Variants in UTRN observed in about 807,000 individuals in gnomAD.
UTRN encodes utrophin.
Under a neutral mutation model 463.9 loss-of-function variants are expected in UTRN, and 283 were observed. The observed-to-expected ratio is 0.61, with a 90% CI of 0.55 to 0.67. UTRN has a LOEUF of 0.67. Ranked by LOEUF, UTRN falls within the 30% of genes least tolerant of loss-of-function variation. The pLI, the probability that UTRN is intolerant of heterozygous loss-of-function variation, is 0.00. For synonymous variants in UTRN, 1,442 were observed against 1,431.5 expected (o/e 1.01, Z -0.17); for missense variants, 3,922 against 4,084.3 (o/e 0.96, Z 1.08).
chr6:144,630,573 C>A (rs4895647), intron 51 of UTRN, among the ~76,000 whole-genome samples: 8 of 152,056 alleles, frequency 5.3e-5, no homozygotes, highest in South Asian at 4.1e-4. Flanking sequence ...ACCTTTCCCC[C>A]TGATTCAGTT....
chr6:144,471,057 A>AGGGGGGGGAGGGGAT (rs1454781033), intron 23 of UTRN, among the ~76,000 whole-genome samples: 1 of 21,460 alleles, frequency 4.7e-5, no homozygotes, highest in African/African-American at 1.7e-4. Flanking sequence ...AGGGAGGGGG[A>AGGGGGGGGAGGGGAT]GAGGGAGGGG....
At chr6:144,451,290 C>T (rs1463063516) in intron 17 of UTRN, 80 bp from the exon 18 acceptor site, 6 of 1,510,712 alleles carry the variant, frequency 4.0e-6, no homozygotes, top group Non-Finnish European at 5.3e-6. Context: ...TCCTGATGAG[C>T]ATTTGAGTTG....
intron 52 of UTRN, among the ~76,000 whole-genome samples, chr6:144,685,637 T>A (rs1453632318): frequency 6.6e-6 from 1 of 152,220 alleles, no homozygotes; most frequent in Non-Finnish European, 1.5e-5. Flanking sequence ...TTTCTTCATA[T>A]GTTTGTTGCC....
chr6:144,379,796 T>C (rs1010004831), intron 2 of UTRN, among the ~76,000 whole-genome samples: 3 of 152,164 alleles, frequency 2.0e-5, no homozygotes, highest in Non-Finnish European at 4.4e-5. Context: ...AATAAGACAT[T>C]AGGAGTTTTG....
At chr6:144,331,504 A>C (rs1459339835) in intron 2 of UTRN, among the ~76,000 whole-genome samples, 1 of 152,204 alleles carries the variant, frequency 6.6e-6, no homozygotes, top group Non-Finnish European at 1.5e-5. Flanking sequence ...AAATGAGTTA[A>C]GGAGCTGTAA....
At chr6:144,697,002 CA>C (rs1303804658) in intron 52 of UTRN, among the ~76,000 whole-genome samples, 3 of 152,016 alleles carry the variant, frequency 2.0e-5, no homozygotes, top group African/African-American at 7.2e-5. Context: ...GATGAAGTAC[CA>C]TTTTTATGGG....
chr6:144,367,467 A>T (rs1484893575), intron 2 of UTRN, among the ~76,000 whole-genome samples: 2 of 152,064 alleles, frequency 1.3e-5, no homozygotes, highest in Admixed American at 1.3e-4. Context: ...CAATTATTAT[A>T]TAGACAATGC....
At chr6:144,819,911 C>CCTCCTCCTCCTCCTCCT (rs11397588) in intron 65 of UTRN, among the ~76,000 whole-genome samples, 5 of 118,628 alleles carry the variant, frequency 4.2e-5, no homozygotes, top group East Asian at 3.2e-4. Flanking sequence ...TCCTCCTCCT[C>CCTCCTCCTCCTCCTCCT]CTCTCTCTCT....
intron 56 of UTRN, among the ~76,000 whole-genome samples, chr6:144,753,176 CA>C (rs1388598253): frequency 1.3e-5 from 2 of 152,142 alleles, no homozygotes; most frequent in African/African-American, 4.8e-5. Flanking sequence ...CTAAGTGGAA[CA>C]GTAACTAGCA....
chr6:144,725,324 T>G (rs1787754020), intron 53 of UTRN, among the ~76,000 whole-genome samples: 1 of 152,210 alleles, frequency 6.6e-6, no homozygotes, highest in African/African-American at 2.4e-5. Flanking sequence ...CCATTGAATC[T>G]CTTTCCTTTG....
At chr6:144,412,720 TTGTG>T (rs201336159) in intron 3 of UTRN, among the ~76,000 whole-genome samples, 240 of 132,962 alleles carry the variant, frequency 1.8e-3, no homozygotes, top group African/African-American at 7.5e-3. Context: ...CTATATATGT[TTGTG>T]TGTGTGTGTG....
intron 65 of UTRN, among the ~76,000 whole-genome samples, chr6:144,811,000 AT>A (rs1778556959): frequency 1.3e-5 from 2 of 152,216 alleles, no homozygotes; most frequent in Non-Finnish European, 2.9e-5. Flanking sequence ...ATGTAGGGAA[AT>A]AAACCAAAAT....
intron 2 of UTRN, 97 bp downstream of exon 2, chr6:144,292,004 G>A: frequency 8.3e-7 from 1 of 1,203,576 alleles, no homozygotes; most frequent in Non-Finnish European, 1.1e-6. Context: ...AGAACTTCTT[G>A]GAGGTGAAGT....
intron 53 of UTRN, among the ~76,000 whole-genome samples, chr6:144,725,135 CA>C (rs1787722042): frequency 6.6e-6 from 1 of 152,162 alleles, no homozygotes; most frequent in Non-Finnish European, 1.5e-5. Flanking sequence ...ATCATGGGGG[CA>C]GGTTTTTCCC....
At chr6:144,708,940 C>G (rs1050010468) in intron 53 of UTRN, among the ~76,000 whole-genome samples, 1 of 152,156 alleles carries the variant, frequency 6.6e-6, no homozygotes, top group African/African-American at 2.4e-5. Flanking sequence ...GCGTTCATGA[C>G]AGAGAGGAGA....
rs1218945558 is a variant in UTRN at position 144,678,436 on chromosome 6, G to A, written c.7510G>A (p.Asp2504Asn). The change falls in exon 52 of 75, where the codon GAC becomes AAC. Residue 2504 changes from aspartate to asparagine, a missense_variant. Asp to Asn is a conservative substitution (Grantham distance 23, BLOSUM62 1). Coordinates refer to ENST00000367545, the MANE Select transcript of UTRN (RefSeq NM_007124.3). ...CCAGGCAGAAATTGATGCCCACAAT[G>A]ACATATTTAAAAGCATTGACGGAAA... Reference protein sequence around the residue: ...DIQAEIDAHNDIFKSIDGNRQ... With the variant: ...DIQAEIDAHNNIFKSIDGNRQ... 6.2e-7 allele frequency: 1 copy of A among 1,612,770 alleles called. No homozygotes were observed. Among genetic ancestry groups the A allele is most frequent in the Non-Finnish European group, 8.5e-7 (1 of 1,179,202 alleles).
intron 63 of UTRN, 151 bp downstream of exon 63, chr6:144,794,142 C>A: frequency 8.9e-7 from 1 of 1,117,576 alleles, no homozygotes; most frequent in Non-Finnish European, 1.2e-6. Flanking sequence ...TCCTAAGGCT[C>A]ATTTGCTTCA....
chr6:144,286,135 C>G lies in UTRN; in HGVS notation c.-93+314C>G, dbSNP rs1803635431. On this transcript the variant is annotated intron_variant, in intron 1 of 74. Coordinates refer to ENST00000367545, the MANE Select transcript of UTRN (RefSeq NM_007124.3). This position sits in a 1 kb window ranked among gnomAD's most constrained non-coding sequence, Gnocchi z 4.4. ...ATCTGACCAGCTCTGTGCTGCCTCCCTGCTCCCCTAATCTTCCTCCCCGCC... is the reference window on the plus strand; with the variant it reads ...ATCTGACCAGCTCTGTGCTGCCTCCGTGCTCCCCTAATCTTCCTCCCCGCC... Among the ~76,000 whole-genome samples the G allele has an allele frequency of 6.6e-6, 1 of 152,252 alleles. No homozygotes were observed. Among genetic ancestry groups the G allele is most frequent in the Non-Finnish European group, 1.5e-5 (1 of 68,040 alleles).
intron 34 of UTRN, among the ~76,000 whole-genome samples, chr6:144,505,560 GT>G (rs1194511507): frequency 6.6e-6 from 1 of 152,180 alleles, no homozygotes; most frequent in East Asian, 1.9e-4. Flanking sequence ...TAGTTGTGCG[GT>G]TTTGAGTGCG....
Sources: allele counts gnomAD v4.1 joint callset (sites outside exome capture counted in the v4.1 genomes callset), GRCh38; gene constraint gnomAD v4.1.1; non-coding constraint Gnocchi (gnomAD v3.1); transcripts MANE v1.5; gene names NCBI Gene and HGNC (gene_info 2026-07-23, HGNC 2026-07-21).